ZNF251: variants seen among roughly 807,000 people sequenced by gnomAD.
ZNF251 encodes zinc finger protein 251.
ZNF251 carries 14 observed loss-of-function variants against 13.5 expected under a neutral mutation model. That is an observed-to-expected ratio of 1.04 (90% CI 0.69 to 1.63). The LOEUF (loss-of-function observed/expected upper bound fraction) is 1.63, where lower values mean the gene tolerates loss of function less well. ZNF251 is among the 40% of genes most tolerant of loss of function. The probability of loss-of-function intolerance (pLI) is 0.00; values close to 1 mark genes in which losing one functional copy is unlikely to be tolerated. For synonymous variants in ZNF251, 287 were observed against 295.2 expected (o/e 0.97, Z 0.28); for missense variants, 764 against 834.9 (o/e 0.92, Z 1.05).
At chr8:144,729,844 G>C (rs1325097896) in intron 4 of ZNF251, among the ~76,000 whole-genome samples, 2 of 152,160 alleles carry the variant, frequency 1.3e-5, no homozygotes. Context: ...CTGGGCAGCA[G>C]AGTGAGACCC....
At chr8:144,729,406 G>C (rs1490458488) in intron 4 of ZNF251, among the ~76,000 whole-genome samples, 8 of 149,214 alleles carry the variant, frequency 5.4e-5, no homozygotes, top group African/African-American at 2.0e-4. Context: ...GCGCAATCTC[G>C]GCTCACTGCA....
Position 144,754,339 on chromosome 8 carries a change from C to T in ZNF251, c.34-18G>A. ...GGCATCTCCTGCAACAAAACATCGC[C>T]GCTGCCCAGGCCATGCCCACGGGGC... On this transcript the variant is annotated intron_variant, in intron 2 of 4. Coordinates refer to ENST00000292562, the MANE Select transcript of ZNF251 (RefSeq NM_138367.2). 1 of 1,587,796 alleles carries T rather than the reference C, an allele frequency of 6.3e-7. No individual in the cohort carries two copies. Among genetic ancestry groups the T allele is most frequent in the Middle Eastern group, 1.7e-4 (1 of 5,996 alleles).
chr8:144,724,078 C>A (rs1286319832), intron 4 of ZNF251, among the ~76,000 whole-genome samples: 1 of 151,814 alleles, frequency 6.6e-6, no homozygotes. Context: ...CCCGTCTCTA[C>A]TAAAAATACA....
At chr8:144,741,235 CCAA>C (rs1824151300) in intron 4 of ZNF251, among the ~76,000 whole-genome samples, 1 of 152,190 alleles carries the variant, frequency 6.6e-6, no homozygotes, top group East Asian at 1.9e-4. Context: ...CTGGGACAGG[CCAA>C]CACACAAGCC....
intron 3 of ZNF251, 79 bp from the exon 4 acceptor site, chr8:144,753,875 G>A: frequency 1.8e-6 from 2 of 1,103,510 alleles, no homozygotes; most frequent in South Asian, 3.0e-5. Flanking sequence ...TGGGCCCTGT[G>A]TGCACGTGTG....
At chr8:144,727,992 A>G (rs1823568015) in intron 4 of ZNF251, among the ~76,000 whole-genome samples, 1 of 152,128 alleles carries the variant, frequency 6.6e-6, no homozygotes, top group East Asian at 1.9e-4. Flanking sequence ...TTTGCTTTGC[A>G]TTCACAACTT....
At chr8:144,737,634 C>T (rs1266071139) in intron 4 of ZNF251, among the ~76,000 whole-genome samples, 3 of 151,832 alleles carry the variant, frequency 2.0e-5, no homozygotes, top group Non-Finnish European at 4.4e-5. Flanking sequence ...AGATCGAGAC[C>T]ATCCTGGCTA....
Position 144,722,359 on chromosome 8 carries a change from A to C in ZNF251, c.1301T>G (p.Val434Gly), listed in dbSNP as rs772220958. ...VRIHTGEKPY[V>G]CNECGKAFRR... ...AAAGGCTTTGCCGCACTCATTACAA[A>C]CATAGGGTTTTTCTCCTGTGTGAAT... Residue 434 changes from valine (V) to glycine (G), a missense_variant, in exon 5 of 5, where the codon GTT becomes GGT. Coordinates refer to ENST00000292562, the MANE Select transcript of ZNF251 (RefSeq NM_138367.2). The surrounding 1 kb of genome is among the most constrained non-coding windows in gnomAD (Gnocchi z 4.8). 5 of 1,613,796 alleles carry C rather than the reference A, an allele frequency of 3.1e-6. No individual in the cohort carries two copies. In the African/African-American group the frequency reaches 6.7e-5, roughly 22 times the overall value.
At position 144,752,650 on chromosome 8, in the gene ZNF251, G is replaced by A. The variant is rs2722496; in HGVS notation, c.277+1033C>T. On this transcript the variant is annotated intron_variant, in intron 4 of 4. Transcript: ENST00000292562. Reference sequence around the variant, plus strand: ...CACAAATATGGGGTATATTTTTCACGAGCCTTTCTGAATAAACTAGAAGAC... The same window carrying A: ...CACAAATATGGGGTATATTTTTCACAAGCCTTTCTGAATAAACTAGAAGAC... Among the ~76,000 whole-genome samples, 3,944 of 152,158 alleles carry A rather than the reference G, an allele frequency of 0.026. 455 individuals carry two copies. The East Asian group carries it at 0.37, about 14-fold the overall frequency.
chr8:144,754,540 G>C lies in ZNF251; in HGVS notation c.33+156C>G, dbSNP rs762427989. 3.5e-4 allele frequency: 510 copies of C among 1,450,288 alleles called. 1 individual carries two copies. The highest frequency in any genetic ancestry group is 4.2e-4 in the Non-Finnish European group (465 of 1,099,218). The allele number at this position is 1,450,288 out of a possible 1,614,324, so 89.8% of individuals were successfully genotyped here. On this transcript the variant is annotated intron_variant, in intron 2 of 4. Transcript: ENST00000292562. ...GAGCTCAGAGCCCCTCTCCCTGCAG[G>C]AGGGCGAGTCTACCTCTCAGAACCC...
chr8:144,755,208 G>A, intron 1 of ZNF251, 197 bp downstream of exon 1: 1 of 1,170,114 alleles, frequency 8.5e-7, no homozygotes, highest in Non-Finnish European at 1.1e-6. Flanking sequence ...GAGGCCGGAA[G>A]CCAGCTGTGG....
intron 4 of ZNF251, among the ~76,000 whole-genome samples, chr8:144,732,684 C>T (rs1390830833): frequency 5.3e-5 from 8 of 151,960 alleles, no homozygotes; most frequent in Non-Finnish European, 1.0e-4. Context: ...TGGTGGCAGG[C>T]ACTTATAGTC....
Position 144,736,479 on chromosome 8 carries a change from A to G in ZNF251, c.278-13097T>C, listed in dbSNP as rs547586225. Among the ~76,000 whole-genome samples the G allele has an allele frequency of 2.8e-4, 40 of 144,424 alleles. No homozygotes were observed. The South Asian group carries it at 8.6e-3, about 31-fold the overall frequency. The allele number at this position is 144,424 out of a possible 152,430, so 94.7% of individuals were successfully genotyped here. On this transcript the variant is annotated intron_variant, in intron 4 of 4. Coordinates refer to ENST00000292562, the MANE Select transcript of ZNF251 (RefSeq NM_138367.2). ...ATTTTATTTATTTATTTATTTATTT[A>G]TTTATTTATTTATTTATTTATTTAT...
At chr8:144,746,656 T>C (rs2130060128) in intron 4 of ZNF251, among the ~76,000 whole-genome samples, 1 of 152,352 alleles carries the variant, frequency 6.6e-6, no homozygotes, top group South Asian at 2.1e-4. Context: ...TGATTTGACT[T>C]ATTTAACAGA....
chr8:144,744,166 C>T (rs944833760), intron 4 of ZNF251, among the ~76,000 whole-genome samples: 44 of 152,002 alleles, frequency 2.9e-4, no homozygotes, highest in African/African-American at 1.1e-3. Context: ...GGTGCCACCA[C>T]ACACCCAGCT....
chr8:144,730,407 GGTGA>G (rs1823659777), intron 4 of ZNF251, among the ~76,000 whole-genome samples: 1 of 35,922 alleles, frequency 2.8e-5, no homozygotes, highest in African/African-American at 1.3e-4. Flanking sequence ...GCGTCCCGGG[GGTGA>G]CACTGGCATG....
chr8:144,748,815 G>A (rs931525276), intron 4 of ZNF251, among the ~76,000 whole-genome samples: 7 of 152,038 alleles, frequency 4.6e-5, no homozygotes, highest in East Asian at 1.9e-4. Context: ...CTCCCACCTC[G>A]GCCTCCCAAA....
At chr8:144,754,909 C>G in intron 1 of ZNF251, 106 bp from the exon 2 acceptor site, 1 of 1,443,008 alleles carries the variant, frequency 6.9e-7, no homozygotes, top group Non-Finnish European at 9.1e-7. Context: ...TCGCGGGAGG[C>G]AGGTCACTAT....
intron 4 of ZNF251, among the ~76,000 whole-genome samples, chr8:144,751,994 A>G (rs1038197226): frequency 2.6e-5 from 4 of 152,220 alleles, no homozygotes; most frequent in Non-Finnish European, 5.9e-5. Context: ...AATGATAGTC[A>G]TAAGTGAAGT....
Sources: gnomAD v4.1 joint callset for allele counts (sites outside exome capture counted in the v4.1 genomes callset) on GRCh38, gnomAD v4.1.1 for gene constraint, Gnocchi (gnomAD v3.1) non-coding constraint, MANE v1.5 for transcripts, NCBI Gene and HGNC (gene_info 2026-07-23, HGNC 2026-07-21) for gene names.